GPR176: variants seen among roughly 807,000 people sequenced by gnomAD.
The protein encoded by GPR176 is G-protein coupled receptor 176.
Under a neutral mutation model 35.4 loss-of-function variants are expected in GPR176, and 26 were observed. That is an observed-to-expected ratio of 0.74 (90% CI 0.54 to 1.02). The LOEUF is 1.02. Ranked by LOEUF, GPR176 falls within the 50% of genes least tolerant of loss-of-function variation. The pLI, the probability that GPR176 is intolerant of heterozygous loss-of-function variation, is 0.00. For synonymous variants in GPR176, 278 were observed against 271.3 expected, an observed-to-expected ratio of 1.02 and a Z score of -0.24; for missense variants, 597 against 665.3, an observed-to-expected ratio of 0.90 and a Z score of 1.13.
intron 1 of GPR176, among the ~76,000 whole-genome samples, chr15:39,887,685 A>G (rs1486203997): frequency 6.6e-6 from 1 of 152,170 alleles, no homozygotes; most frequent in Admixed American, 6.5e-5. Flanking sequence ...TTTTCCTAGA[A>G]GAAAATCTCA....
At chr15:39,826,049 G>A (rs915375652) in intron 1 of GPR176, among the ~76,000 whole-genome samples, 1 of 152,088 alleles carries the variant, frequency 6.6e-6, no homozygotes, top group Admixed American at 6.6e-5. Context: ...CTGCCGTTAT[G>A]GGGGAAGAAC....
chr15:39,829,492 T>A (rs539500648), intron 1 of GPR176, among the ~76,000 whole-genome samples: 29 of 152,254 alleles, frequency 1.9e-4, no homozygotes, highest in African/African-American at 7.0e-4. Flanking sequence ...CAGAAAGGAC[T>A]TGAGACCATT....
chr15:39,878,135 T>TGTGTGTGTGTGTGTGTGTG, intron 1 of GPR176, among the ~76,000 whole-genome samples: 8 of 148,696 alleles, frequency 5.4e-5, no homozygotes, highest in Non-Finnish European at 9.0e-5. Flanking sequence ...TGTGTGTGTG[T>TGTGTGTGTGTGTGTGTGTG]TGAGAACATT....
At chr15:39,865,550 G>T (rs2031793267) in intron 1 of GPR176, among the ~76,000 whole-genome samples, 3 of 152,112 alleles carry the variant, frequency 2.0e-5, no homozygotes, top group Non-Finnish European at 4.4e-5. Context: ...AGACCCAGAA[G>T]GGTGAGGAGG....
chr15:39,882,240 A>C (rs1292447838), intron 1 of GPR176, among the ~76,000 whole-genome samples: 2 of 152,236 alleles, frequency 1.3e-5, no homozygotes, highest in African/African-American at 2.4e-5. Context: ...ACATGCTCAG[A>C]GGAAAATTGG....
chr15:39,812,650 C>T (rs1344246300), intron 1 of GPR176, among the ~76,000 whole-genome samples: 1 of 152,052 alleles, frequency 6.6e-6, no homozygotes, highest in Non-Finnish European at 1.5e-5. Context: ...TTCTAATAAA[C>T]TCCCCTTCAT....
chr15:39,920,182 C>T lies in GPR176; in HGVS notation c.-156G>A. 1 of 447,820 alleles carries T rather than the reference C, an allele frequency of 2.2e-6. No individual in the cohort carries two copies. Among genetic ancestry groups the T allele is most frequent in the Non-Finnish European group, 3.7e-6 (1 of 269,444 alleles). 27.7% of individuals were successfully genotyped at this position (447,820 alleles called of 1,614,324 possible). On this transcript the variant is annotated 5_prime_UTR_variant, in exon 1 of 3. Transcript: ENST00000561100. ...CCCCTCACGTCTCCACATCGCCAAC[C>T]CCGGCGCCCGGGAGGCGGGGAGGGA...
At chr15:39,853,956 C>T (rs890211751) in intron 1 of GPR176, among the ~76,000 whole-genome samples, 4 of 152,014 alleles carry the variant, frequency 2.6e-5, no homozygotes, top group African/African-American at 9.7e-5. Flanking sequence ...TTATTTAACT[C>T]TAGGTGAAGA....
chr15:39,829,264 G>T, intron 1 of GPR176: 1 of 1,450,478 alleles, frequency 6.9e-7, no homozygotes, highest in South Asian at 1.4e-5. Flanking sequence ...ACTTGGACTC[G>T]GGCATCAGAA....
At chr15:39,889,136 G>A (rs1005264596) in intron 1 of GPR176, among the ~76,000 whole-genome samples, 9 of 152,190 alleles carry the variant, frequency 5.9e-5, no homozygotes, top group Non-Finnish European at 8.8e-5. Flanking sequence ...GCAAGGTTTA[G>A]ATCTCTGTGA....
At chr15:39,849,959 G>A (rs1389769578) in intron 1 of GPR176, among the ~76,000 whole-genome samples, 1 of 133,018 alleles carries the variant, frequency 7.5e-6, no homozygotes, top group African/African-American at 2.8e-5. Context: ...ACCTGTACAG[G>A]ATGTCACTGT....
intron 1 of GPR176, among the ~76,000 whole-genome samples, chr15:39,864,312 A>G (rs1224885834): frequency 6.6e-6 from 1 of 152,224 alleles, no homozygotes; most frequent in African/African-American, 2.4e-5. Context: ...GGGCTGTATC[A>G]GAACAGAGAA....
chr15:39,906,684 G>A (rs371345672), intron 1 of GPR176, among the ~76,000 whole-genome samples: 2 of 152,264 alleles, frequency 1.3e-5, no homozygotes, highest in East Asian at 1.9e-4. Context: ...CCGGATATCT[G>A]GCTTTTGTAA....
intron 1 of GPR176, among the ~76,000 whole-genome samples, chr15:39,901,469 A>G (rs1173818550): frequency 6.6e-6 from 1 of 152,208 alleles, no homozygotes; most frequent in African/African-American, 2.4e-5. Context: ...GATGGGTAGG[A>G]CTGGTACCAA....
At chr15:39,874,536 G>A (rs2032169249) in intron 1 of GPR176, among the ~76,000 whole-genome samples, 1 of 152,132 alleles carries the variant, frequency 6.6e-6, no homozygotes, top group African/African-American at 2.4e-5. Flanking sequence ...GTTTACATGT[G>A]TTACATGGTC....
chr15:39,914,377 G>A (rs960348059), intron 1 of GPR176, among the ~76,000 whole-genome samples: 2 of 137,010 alleles, frequency 1.5e-5, no homozygotes, highest in Non-Finnish European at 3.0e-5. Flanking sequence ...ACAGTGGCAC[G>A]ATCTCTGCTC....
At chr15:39,806,364 A>C (rs1899188738) in intron 2 of GPR176, among the ~76,000 whole-genome samples, 1 of 152,264 alleles carries the variant, frequency 6.6e-6, no homozygotes, top group African/African-American at 2.4e-5. Context: ...GAAAGGAGAA[A>C]GGCAGGAATT....
chr15:39,873,332 G>A (rs2032119298), intron 1 of GPR176, among the ~76,000 whole-genome samples: 1 of 152,170 alleles, frequency 6.6e-6, no homozygotes. Context: ...TGTTTCTCAG[G>A]TAATAAGGTC....
At chr15:39,838,550 C>A (rs1171171665) in intron 1 of GPR176, among the ~76,000 whole-genome samples, 1 of 151,960 alleles carries the variant, frequency 6.6e-6, no homozygotes, top group Non-Finnish European at 1.5e-5. Flanking sequence ...ATAAACATAA[C>A]CCAGCATATA....
Sources: allele counts gnomAD v4.1 joint callset (sites outside exome capture counted in the v4.1 genomes callset), GRCh38; gene constraint gnomAD v4.1.1; transcripts MANE v1.5; gene names NCBI Gene and HGNC (gene_info 2026-07-23, HGNC 2026-07-21).